The following SCN2A variants were observed in gnomAD, a reference collection of about 807,000 sequenced individuals.
SCN2A encodes the protein sodium voltage-gated channel alpha subunit 2.
In SCN2A, 20 loss-of-function variants were observed where a neutral mutation model predicts 188.7. That is an observed-to-expected ratio of 0.11 (90% CI 0.07 to 0.15). The LOEUF (loss-of-function observed/expected upper bound fraction) is 0.15, where lower values mean the gene tolerates loss of function less well. SCN2A is among the 10% of genes least tolerant of loss of function. The pLI, the probability that SCN2A is intolerant of heterozygous loss-of-function variation, is 1.00. For synonymous variants in SCN2A, 804 were observed against 833.1 expected (o/e 0.97, Z 0.60); for missense variants, 1,278 against 2,445.0 (o/e 0.52, Z 10.07).
At chr2:165,276,388 A>G (rs1390361630) in intron 1 of SCN2A, among the ~76,000 whole-genome samples, 1 of 149,588 alleles carries the variant, frequency 6.7e-6, no homozygotes, top group Non-Finnish European at 1.5e-5. Context: ...CCTCCAAGGT[A>G]ACTAATTTTA....
chr2:165,345,790 T>A (rs772683476), intron 16 of SCN2A, among the ~76,000 whole-genome samples: 6 of 152,242 alleles, frequency 3.9e-5, no homozygotes, highest in Non-Finnish European at 8.8e-5. Context: ...GCTGCTGCGG[T>A]TTTTTCATAA....
chr2:165,316,755 C>T (rs1697773929), intron 11 of SCN2A, among the ~76,000 whole-genome samples: 2 of 152,114 alleles, frequency 1.3e-5, no homozygotes, highest in Admixed American at 1.3e-4. Flanking sequence ...GGCATTCTTT[C>T]TACATTCTCA....
chr2:165,317,310 C>A (rs749316000), intron 11 of SCN2A, among the ~76,000 whole-genome samples: 1 of 150,978 alleles, frequency 6.6e-6, no homozygotes, highest in Non-Finnish European at 1.5e-5. Context: ...AAGGCAAACC[C>A]CCTGTTTACA....
chr2:165,384,157 A>G (rs1701744230), intron 25 of SCN2A, among the ~76,000 whole-genome samples: 1 of 152,110 alleles, frequency 6.6e-6, no homozygotes, highest in African/African-American at 2.4e-5. Flanking sequence ...TGAAAAGAAC[A>G]TGGAAATTAA....
chr2:165,340,087 T>C (rs1047321561), intron 14 of SCN2A, among the ~76,000 whole-genome samples: 1 of 152,168 alleles, frequency 6.6e-6, no homozygotes, highest in Non-Finnish European at 1.5e-5. Context: ...TAAATAAATG[T>C]ATGGAAAATA....
chr2:165,319,680 G>A (rs1181795091), intron 11 of SCN2A, among the ~76,000 whole-genome samples: 1 of 152,134 alleles, frequency 6.6e-6, no homozygotes, highest in African/African-American at 2.4e-5. Flanking sequence ...AGCAAAGAGA[G>A]AGTGAAAGCC....
chr2:165,350,748 C>T (rs1699866080), intron 16 of SCN2A, among the ~76,000 whole-genome samples: 1 of 150,950 alleles, frequency 6.6e-6, no homozygotes, highest in African/African-American at 2.4e-5. Context: ...GGATTACAGG[C>T]GTGAGCCACC....
chr2:165,273,568 A>G (rs557445796), intron 1 of SCN2A: 6 of 152,258 alleles, frequency 3.9e-5, no homozygotes, highest in Admixed American at 2.0e-4. Context: ...TTGTAGAACT[A>G]AAACCATTCT....
Position 165,295,848 on chromosome 2 carries a change from C to T in SCN2A, c.25C>T (p.Pro9Ser), listed in dbSNP as rs1469809588. ...GATGGCACAGTCAGTGCTGGTACCGCCAGGACCTGACAGCTTCCGCTTCTT... is the reference window on the plus strand; with the variant it reads ...GATGGCACAGTCAGTGCTGGTACCGTCAGGACCTGACAGCTTCCGCTTCTT... MAQSVLVPPGPDSFRFFTR... is the reference protein window; with the variant it reads MAQSVLVPSGPDSFRFFTR... Residue 9 changes from proline to serine, a missense_variant, in exon 2 of 27, where the codon CCA becomes TCA. By Grantham distance (74) the Pro-to-Ser change is moderately conservative. Coordinates refer to ENST00000375437, the MANE Select transcript of SCN2A (RefSeq NM_001040142.2). 1 of 1,614,128 alleles carries T rather than the reference C, an allele frequency of 6.2e-7. No homozygotes were observed. Among genetic ancestry groups the T allele is most frequent in the African/African-American group, 1.3e-5 (1 of 75,034 alleles).
intron 1 of SCN2A, among the ~76,000 whole-genome samples, chr2:165,291,495 CTTT>C (rs1696165724): frequency 1.6e-4 from 7 of 44,318 alleles, no homozygotes; most frequent in Non-Finnish European, 2.7e-4. Flanking sequence ...TCTTTCTTTT[CTTT>C]CTTTCTTTCT....
intron 6 of SCN2A, among the ~76,000 whole-genome samples, 166 bp downstream of exon 6, chr2:165,309,609 C>T (rs986594967): frequency 2.6e-5 from 4 of 152,090 alleles, no homozygotes; most frequent in Non-Finnish European, 5.9e-5. Context: ...GCTTTTTACT[C>T]GTTGCTTTCT....
rs1287046757 is a variant in SCN2A, at chr2:165,391,447, G to A, written c.*1623G>A. On this transcript the variant is annotated 3_prime_UTR_variant, in exon 27 of 27. Coordinates refer to ENST00000375437, the MANE Select transcript of SCN2A (RefSeq NM_001040142.2). ...TGAGAAATTAAAAGTATCTTCAGGT[G>A]GATGTCACAGTCACTATTGTTAGTT... 1.3e-5 allele frequency: 2 copies of A among 152,480 alleles called. No individual in the cohort carries two copies. Among genetic ancestry groups the A allele is most frequent in the Non-Finnish European group, 2.9e-5 (2 of 67,960 alleles). The allele number at this position is 152,480 out of a possible 1,614,324, so 9.4% of individuals were successfully genotyped here.
intron 15 of SCN2A, among the ~76,000 whole-genome samples, chr2:165,343,299 C>G (rs1288876530): frequency 6.6e-6 from 1 of 152,228 alleles, no homozygotes; most frequent in Middle Eastern, 3.4e-3. Flanking sequence ...TTTCAATGTT[C>G]AAATTTGAGT....
At chr2:165,282,130 C>T (rs1307219405) in intron 1 of SCN2A, among the ~76,000 whole-genome samples, 2 of 152,172 alleles carry the variant, frequency 1.3e-5, no homozygotes, top group Admixed American at 6.5e-5. Flanking sequence ...AAGCTCAGGT[C>T]AAGTTGCAGT....
Position 165,294,053 on chromosome 2 carries a change from T to A in SCN2A, c.-51-1720T>A, listed in dbSNP as rs1411964105. 27 of 956,074 alleles carry A rather than the reference T, an allele frequency of 2.8e-5. No individual in the cohort carries two copies. In the African/African-American group the frequency reaches 3.5e-4, roughly 12 times the overall value. 59.2% of individuals were successfully genotyped at this position (956,074 alleles called of 1,614,324 possible). ...AAAAAAAAAAAGATTTTTTTTTTTTTAAAGCATGATGGAATTTTAGCTGCA... is the reference window on the plus strand; with the variant it reads ...AAAAAAAAAAAGATTTTTTTTTTTTAAAAGCATGATGGAATTTTAGCTGCA... On this transcript the variant is annotated intron_variant, in intron 1 of 26. Coordinates refer to ENST00000375437, the MANE Select transcript of SCN2A (RefSeq NM_001040142.2).
At chr2:165,311,909 TAG>T in intron 7 of SCN2A, 114 bp from the exon 8 acceptor site, 1 of 697,858 alleles carries the variant, frequency 1.4e-6, no homozygotes, top group Middle Eastern at 3.7e-4. Context: ...ATATATTTAT[TAG>T]TTTATCCATC....
At chr2:165,315,129 C>A (rs1368235229) in intron 10 of SCN2A, among the ~76,000 whole-genome samples, 1 of 152,116 alleles carries the variant, frequency 6.6e-6, no homozygotes, top group East Asian at 1.9e-4. Context: ...AATAGGAAGT[C>A]TTTAATTCCC....
At chr2:165,285,651 G>A in intron 1 of SCN2A, 1 of 251,276 alleles carries the variant, frequency 4.0e-6, no homozygotes. Flanking sequence ...AACTGAAGTG[G>A]CTCCCTCTAT....
intron 1 of SCN2A, among the ~76,000 whole-genome samples, chr2:165,275,034 C>G (rs1695274879): frequency 6.6e-6 from 1 of 152,236 alleles, no homozygotes; most frequent in African/African-American, 2.4e-5. Flanking sequence ...GCAGGCCTAA[C>G]TGAGGTTGGC....
Sources: allele counts gnomAD v4.1 joint callset (sites outside exome capture counted in the v4.1 genomes callset), GRCh38; gene constraint gnomAD v4.1.1; transcripts MANE v1.5; gene names NCBI Gene and HGNC (gene_info 2026-07-23, HGNC 2026-07-21).